The following LRRTM4 variants were observed in gnomAD, a reference collection of about 807,000 sequenced individuals.
LRRTM4 encodes the protein leucine-rich repeat transmembrane neuronal protein 4.
Under a neutral mutation model 47.6 loss-of-function variants are expected in LRRTM4, and 25 were observed. That is an observed-to-expected ratio of 0.53 (90% CI 0.38 to 0.73). LRRTM4 has a LOEUF of 0.73. Among genes scored for constraint, LRRTM4 ranks in the 30% least tolerant of loss-of-function variants. The probability of loss-of-function intolerance (pLI) is 0.00; values close to 1 mark genes in which losing one functional copy is unlikely to be tolerated. For synonymous variants in LRRTM4, 311 were observed against 269.5 expected (o/e 1.15, Z -1.51); for missense variants, 638 against 713.4 (o/e 0.89, Z 1.20).
intron 3 of LRRTM4, among the ~76,000 whole-genome samples, chr2:77,215,478 C>G (rs1372027923): frequency 6.6e-6 from 1 of 152,170 alleles, no homozygotes; most frequent in Non-Finnish European, 1.5e-5. Flanking sequence ...AGGAGGTAGT[C>G]TAACACTGTA....
chr2:76,946,807 T>G (rs1384928766), intron 3 of LRRTM4, among the ~76,000 whole-genome samples: 1 of 151,936 alleles, frequency 6.6e-6, no homozygotes, highest in Non-Finnish European at 1.5e-5. Context: ...TTTTTATTCC[T>G]GTAAAATTTT....
At chr2:77,482,320 C>T (rs995737994) in intron 3 of LRRTM4, among the ~76,000 whole-genome samples, 1 of 152,020 alleles carries the variant, frequency 6.6e-6, no homozygotes, top group Admixed American at 6.6e-5. Context: ...ATTGAATACC[C>T]TACATGAGAT....
At chr2:77,294,688 T>A (rs1046739959) in intron 3 of LRRTM4, among the ~76,000 whole-genome samples, 1 of 152,146 alleles carries the variant, frequency 6.6e-6, no homozygotes, top group Non-Finnish European at 1.5e-5. Context: ...TAGATTTATG[T>A]TCTTCTCAGA....
At chr2:77,058,240 A>T (rs1013967972) in intron 3 of LRRTM4, among the ~76,000 whole-genome samples, 1 of 152,136 alleles carries the variant, frequency 6.6e-6, no homozygotes, top group South Asian at 2.1e-4. Flanking sequence ...GTTAGTGGGT[A>T]TTTTTTTAAG....
At chr2:77,207,481 G>A (rs1674168047) in intron 3 of LRRTM4, among the ~76,000 whole-genome samples, 1 of 151,096 alleles carries the variant, frequency 6.6e-6, no homozygotes, top group Non-Finnish European at 1.5e-5. Context: ...TCTCCTTGTA[G>A]CATGTCATCA....
intron 3 of LRRTM4, among the ~76,000 whole-genome samples, chr2:76,996,806 A>G (rs1414567281): frequency 6.6e-6 from 1 of 152,150 alleles, no homozygotes; most frequent in Non-Finnish European, 1.5e-5. Context: ...ATAGAAAACA[A>G]AATTACATAA....
At chr2:76,796,758 C>T (rs1045833092) in intron 3 of LRRTM4, among the ~76,000 whole-genome samples, 2 of 151,710 alleles carry the variant, frequency 1.3e-5, no homozygotes, top group Non-Finnish European at 2.9e-5. Flanking sequence ...GAGCACCTCT[C>T]CTCCTCCAAA....
At chr2:77,229,386 T>C (rs886299495) in intron 3 of LRRTM4, among the ~76,000 whole-genome samples, 3 of 152,118 alleles carry the variant, frequency 2.0e-5, no homozygotes, top group Non-Finnish European at 4.4e-5. Context: ...ACGAGAGTCT[T>C]AAGCAAATGA....
chr2:76,834,193 A>G (rs113355201), intron 3 of LRRTM4, among the ~76,000 whole-genome samples: 1 of 145,390 alleles, frequency 6.9e-6, no homozygotes, highest in Admixed American at 7.0e-5. Flanking sequence ...GGTGCCCGCC[A>G]GCATGCCAAG....
At chr2:77,342,721 G>C (rs751598109) in intron 3 of LRRTM4, among the ~76,000 whole-genome samples, 2 of 151,814 alleles carry the variant, frequency 1.3e-5, no homozygotes, top group South Asian at 2.1e-4. Flanking sequence ...GGTGTAGGTT[G>C]TTTTGTTTGT....
At chr2:77,198,999 T>C (rs535550271) in intron 3 of LRRTM4, among the ~76,000 whole-genome samples, 1 of 152,302 alleles carries the variant, frequency 6.6e-6, no homozygotes, top group East Asian at 1.9e-4. Flanking sequence ...CAGAGTGACA[T>C]CTCCAACTTC....
At chr2:76,922,541 G>C (rs1274781514) in intron 3 of LRRTM4, among the ~76,000 whole-genome samples, 2 of 152,078 alleles carry the variant, frequency 1.3e-5, no homozygotes, top group Non-Finnish European at 2.9e-5. Flanking sequence ...TGGGGGCACA[G>C]AGCCAAACCA....
At chr2:77,129,923 T>C (rs1671750126) in intron 3 of LRRTM4, among the ~76,000 whole-genome samples, 1 of 152,044 alleles carries the variant, frequency 6.6e-6, no homozygotes, top group African/African-American at 2.4e-5. Context: ...TATTCAAGAG[T>C]GTGTGAGAGA....
chr2:76,801,064 G>A (rs1450641893), intron 3 of LRRTM4, among the ~76,000 whole-genome samples: 2 of 150,316 alleles, frequency 1.3e-5, no homozygotes, highest in African/African-American at 2.5e-5. Context: ...CACTGTTGGT[G>A]GGACTGTAAA....
intron 3 of LRRTM4, among the ~76,000 whole-genome samples, chr2:76,776,256 C>G (rs1476725715): frequency 6.6e-6 from 1 of 152,148 alleles, no homozygotes; most frequent in African/African-American, 2.4e-5. Flanking sequence ...GATTTATAAT[C>G]CTTTGGGTAT....
In LRRTM4 at chr2:77,428,250, G is replaced by A. The variant is rs1675203835; in HGVS notation, c.1551+90068C>T. 3.9e-5 allele frequency among the ~76,000 whole-genome samples: 6 copies of A among 152,152 alleles called. No individual in the cohort carries two copies. The South Asian group carries it at 1.2e-3, about 31-fold the overall frequency. On this transcript the variant is annotated intron_variant, in intron 3 of 3. Coordinates refer to ENST00000409884, the MANE Select transcript of LRRTM4 (RefSeq NM_001134745.3). ...ACCTAGTCTTGGGCAGTTGTTTACA[G>A]AAACACGAGAATGGACTGATACACC...
Position 76,964,326 on chromosome 2 carries a change from G to C in LRRTM4, c.1552-215410C>G, listed in dbSNP as rs1334493851. ...GTGTCTGCTTTGTTGAGTGTAACTA[G>C]CCTCTGTTTCATTGAATGTAACATG... On this transcript the variant is annotated intron_variant, in intron 3 of 3. Transcript: ENST00000409884. 2.0e-5 allele frequency among the ~76,000 whole-genome samples: 3 copies of C among 150,976 alleles called. No homozygotes were observed. In the East Asian group the frequency reaches 5.8e-4, roughly 29 times the overall value.
intron 3 of LRRTM4, among the ~76,000 whole-genome samples, chr2:77,193,951 G>A (rs1268677432): frequency 3.9e-5 from 6 of 152,218 alleles, no homozygotes; most frequent in African/African-American, 1.4e-4. Context: ...GGAATTTAAC[G>A]GGTTAATTTA....
At chr2:76,946,681 G>A (rs1483534082) in intron 3 of LRRTM4, among the ~76,000 whole-genome samples, 1 of 151,772 alleles carries the variant, frequency 6.6e-6, no homozygotes, top group Non-Finnish European at 1.5e-5. Flanking sequence ...CTAAAGCCTA[G>A]CCAGTTTCCA....
Sources: gnomAD v4.1 joint callset for allele counts (sites outside exome capture counted in the v4.1 genomes callset) on GRCh38, gnomAD v4.1.1 for gene constraint, MANE v1.5 for transcripts, NCBI Gene and HGNC (gene_info 2026-07-23, HGNC 2026-07-21) for gene names.